AGBL1: variants seen among roughly 807,000 people sequenced by gnomAD.
AGBL1 encodes the protein cytosolic carboxypeptidase 4.
A neutral mutation model predicts 118.9 loss-of-function variants in AGBL1; 130 were observed. The observed-to-expected ratio is 1.09, with a 90% CI of 0.95 to 1.26. The LOEUF (loss-of-function observed/expected upper bound fraction) is 1.26, where lower values mean the gene tolerates loss of function less well. AGBL1 is among the 50% of genes most tolerant of loss of function. The pLI, the probability that AGBL1 is intolerant of heterozygous loss-of-function variation, is 0.00. For missense variants in AGBL1, 1,584 were observed against 1,298.1 expected (o/e 1.22, Z -3.38); for synonymous variants, 555 against 478.9 (o/e 1.16, Z -2.08).
At chr15:86,840,495 G>T (rs2079229594) in intron 22 of AGBL1, among the ~76,000 whole-genome samples, 1 of 152,086 alleles carries the variant, frequency 6.6e-6, no homozygotes, top group African/African-American at 2.4e-5. Context: ...GCCCAGACTG[G>T]AGTGCAATGG....
chr15:86,873,716 C>T (rs148206052), intron 22 of AGBL1, among the ~76,000 whole-genome samples: 65 of 152,252 alleles, frequency 4.3e-4, no homozygotes, highest in African/African-American at 1.5e-3. Flanking sequence ...ACTTTTCAGC[C>T]TCCAGAATTG....
intron 17 of AGBL1, among the ~76,000 whole-genome samples, chr15:86,393,329 G>A (rs2081315419): frequency 6.6e-6 from 1 of 152,158 alleles, no homozygotes. Flanking sequence ...AAGCCAACTG[G>A]CCCAGACAAT....
chr15:86,925,164 G>GGAGGAGGAGGAGGAGGAGGAA (rs1254783834), intron 23 of AGBL1, among the ~76,000 whole-genome samples: 1 of 122,826 alleles, frequency 8.1e-6, no homozygotes, highest in Admixed American at 7.9e-5. Context: ...AGGAGGAGGA[G>GGAGGAGGAGGAGGAGGAGGAA]GAGGAAGAGG....
intron 19 of AGBL1, among the ~76,000 whole-genome samples, chr15:86,545,226 G>A (rs2083563307): frequency 6.6e-6 from 1 of 152,206 alleles, no homozygotes; most frequent in Admixed American, 6.5e-5. Context: ...CAGAGTCATA[G>A]CCGATCTCTA....
chr15:86,217,127 A>T (rs1270616393), intron 5 of AGBL1, among the ~76,000 whole-genome samples: 1 of 151,990 alleles, frequency 6.6e-6, no homozygotes, highest in Non-Finnish European at 1.5e-5. Flanking sequence ...TCCCCATGGC[A>T]TTTATCACAT....
At chr15:86,143,885 C>G (rs62012445) in intron 3 of AGBL1, 40 bp downstream of exon 3, 9 of 1,601,208 alleles carry the variant, frequency 5.6e-6, no homozygotes, top group Non-Finnish European at 7.7e-6. Context: ...TGAAAAGGCA[C>G]TTCTAGGGTT....
intron 23 of AGBL1, among the ~76,000 whole-genome samples, chr15:86,931,370 T>G (rs1336959982): frequency 6.6e-6 from 1 of 152,138 alleles, no homozygotes; most frequent in African/African-American, 2.4e-5. Context: ...CAGAGTGAGG[T>G]ACCTGATTCT....
At position 86,295,291 on chromosome 15, in the gene AGBL1, A is replaced by G. The variant is rs776850268; in HGVS notation, c.2257A>G (p.Lys753Glu). Residue 753 changes from lysine to glutamate, a missense_variant, in exon 17 of 23, where the codon AAA (lysine) becomes GAA (glutamate). Transcript: ENST00000614907. ...LDILEKSVNLKEVYFRQDVLC... is the reference protein window; with the variant it reads ...LDILEKSVNLEEVYFRQDVLC... ...CATCCTGGAAAAGAGTGTCAACCTCAAAGAGGTCTACTTCCGGCAAGATGT... is the reference window on the plus strand; with the variant it reads ...CATCCTGGAAAAGAGTGTCAACCTCGAAGAGGTCTACTTCCGGCAAGATGT... 4 of 1,613,528 alleles carry G rather than the reference A, an allele frequency of 2.5e-6. No individual in the cohort carries two copies. The highest frequency in any genetic ancestry group is 2.5e-6 in the Non-Finnish European group (3 of 1,179,694).
chr15:86,556,477 C>T (rs2083735918), intron 21 of AGBL1, among the ~76,000 whole-genome samples: 1 of 152,178 alleles, frequency 6.6e-6, no homozygotes, highest in African/African-American at 2.4e-5. Flanking sequence ...TCTTTGTTTT[C>T]CTGTCCTTAC....
At chr15:86,767,545 A>G (rs906530545) in intron 22 of AGBL1, among the ~76,000 whole-genome samples, 1 of 151,974 alleles carries the variant, frequency 6.6e-6, no homozygotes, top group African/African-American at 2.4e-5. Flanking sequence ...ACAGTCAAAG[A>G]ATTCTATTCC....
intron 3 of AGBL1, among the ~76,000 whole-genome samples, chr15:86,146,037 C>T (rs967832455): frequency 9.2e-5 from 14 of 152,080 alleles, no homozygotes; most frequent in African/African-American, 2.7e-4. Context: ...CGGTCATAAA[C>T]GGTATAAGCT....
At chr15:86,286,127 C>A (rs1225960815) in intron 16 of AGBL1, among the ~76,000 whole-genome samples, 1 of 146,898 alleles carries the variant, frequency 6.8e-6, no homozygotes, top group Non-Finnish European at 1.5e-5. Context: ...TTTTTTTTTA[C>A]AGATTGTGTT....
At chr15:86,311,426 CA>C (rs1275248043) in intron 17 of AGBL1, among the ~76,000 whole-genome samples, 2 of 152,152 alleles carry the variant, frequency 1.3e-5, no homozygotes, top group Non-Finnish European at 2.9e-5. Context: ...TTTGAAATAG[CA>C]TATCTGCTAT....
chr15:86,965,541 A>G (rs1044853793), intron 23 of AGBL1, among the ~76,000 whole-genome samples: 1 of 152,038 alleles, frequency 6.6e-6, no homozygotes, highest in Non-Finnish European at 1.5e-5. Context: ...GCCCTTTGTC[A>G]GATGGATAGA....
intron 22 of AGBL1, among the ~76,000 whole-genome samples, chr15:86,780,886 T>C (rs975995665): frequency 4.6e-5 from 7 of 152,126 alleles, no homozygotes; most frequent in Admixed American, 2.0e-4. Context: ...CTGTCTGATT[T>C]TGAACTCCTG....
At chr15:86,823,157 C>G (rs920918003) in intron 22 of AGBL1, among the ~76,000 whole-genome samples, 2 of 152,120 alleles carry the variant, frequency 1.3e-5, no homozygotes, top group Non-Finnish European at 1.5e-5. Context: ...ATACCCTTAT[C>G]TTCTGTAACT....
At chr15:86,712,010 C>T (rs1484665077) in intron 22 of AGBL1, among the ~76,000 whole-genome samples, 1 of 152,098 alleles carries the variant, frequency 6.6e-6, no homozygotes, top group East Asian at 1.9e-4. Context: ...GAAACTGACA[C>T]CCAGAGAAGT....
At chr15:86,776,328 A>G (rs938534914) in intron 22 of AGBL1, among the ~76,000 whole-genome samples, 2 of 152,124 alleles carry the variant, frequency 1.3e-5, no homozygotes, top group African/African-American at 4.8e-5. Context: ...ACTTGGTGAT[A>G]TCCATGTAGT....
chr15:86,643,396 A>G (rs1302884208), intron 21 of AGBL1, among the ~76,000 whole-genome samples: 1 of 152,026 alleles, frequency 6.6e-6, no homozygotes. Flanking sequence ...CAATTCTCCT[A>G]TTTTTAATCT....
Sources: allele counts gnomAD v4.1 joint callset (sites outside exome capture counted in the v4.1 genomes callset), GRCh38; gene constraint gnomAD v4.1.1; transcripts MANE v1.5; gene names NCBI Gene and HGNC (gene_info 2026-07-23, HGNC 2026-07-21).